The following CCDC183 variants were observed in gnomAD, a reference collection of about 807,000 sequenced individuals.
CCDC183 encodes coiled-coil domain containing 183, also known as coiled-coil domain-containing protein 183.
A neutral mutation model predicts 65.2 loss-of-function variants in CCDC183; 63 were observed. The ratio of observed to expected loss-of-function variants is 0.97; its 90% CI spans 0.79 to 1.19. The LOEUF (loss-of-function observed/expected upper bound fraction) is 1.19. Among genes scored for constraint, CCDC183 ranks in the 50% most tolerant of loss-of-function variants. CCDC183 has a pLI of 0.00. For synonymous variants in CCDC183, 323 were observed against 276.5 expected, an observed-to-expected ratio of 1.17 and a Z score of -1.67; for missense variants, 769 against 689.3, an observed-to-expected ratio of 1.12 and a Z score of -1.30.
At chr9:136,800,192 G>T in intron 4 of CCDC183, 23 bp downstream of exon 4, 3 of 1,478,640 alleles carry the variant, frequency 2.0e-6, no homozygotes, top group Non-Finnish European at 2.7e-6. Flanking sequence ...GGCTGGGAGG[G>T]CGGGGCGGAG....
Position 136,806,756 on chromosome 9 carries a change from G to T in CCDC183, c.1279-1G>T. On this transcript the variant is annotated splice_acceptor_variant, in intron 11 of 13. Transcript: ENST00000338005. LOFTEE classifies it high-confidence loss of function. ...GATGAGACCCTCCTCCCGGCCTACA[G>T]AGAGAAGTGGTGCTCTCCAACACCC... 1 of 1,613,554 alleles carries T rather than the reference G, an allele frequency of 6.2e-7. No homozygotes were observed. The highest frequency in any genetic ancestry group is 8.5e-7 in the Non-Finnish European group (1 of 1,180,032).
Position 136,807,558 on chromosome 9 carries a change from G to GT in CCDC183, c.1487-14_1487-13insT, listed in dbSNP as rs1462341624. 6.3e-7 allele frequency: 1 copy of GT among 1,589,038 alleles called. No individual in the cohort carries two copies. Among genetic ancestry groups the GT allele is most frequent in the East Asian group, 2.3e-5 (1 of 43,182 alleles). ...GGGCTAGCCCCGTGTGCGAGCCGCC[G>GT]CCTCCGCCCGCAGACACCTTCCAGT... On this transcript the variant is annotated splice_polypyrimidine_tract_variant and intron_variant, in intron 13 of 13. Coordinates refer to ENST00000338005, the MANE Select transcript of CCDC183 (RefSeq NM_001039374.5).
Position 136,802,728 on chromosome 9 carries a change from A to G in CCDC183, c.608A>G (p.Glu203Gly). ...AACCTCGTGGTCAACTACTGCTCAGAGCTGTCGGATATGAAGATCATGTCC... is the reference window on the plus strand; with the variant it reads ...AACCTCGTGGTCAACTACTGCTCAGGGCTGTCGGATATGAAGATCATGTCC... ...LQNLVVNYCS[E>G]LSDMKIMSQD... is the part of the protein sequence containing the mutation. The change falls in exon 6 of 14, where the codon GAG becomes GGG. Residue 203 changes from glutamate to glycine, a missense_variant. Glu to Gly is a moderately conservative substitution (Grantham distance 98, BLOSUM62 -2). Transcript: ENST00000338005. 6.2e-7 allele frequency: 1 copy of G among 1,613,532 alleles called. No homozygotes were observed. Among genetic ancestry groups the G allele is most frequent in the Non-Finnish European group, 8.5e-7 (1 of 1,179,892 alleles).
intron 1 of CCDC183, among the ~76,000 whole-genome samples, chr9:136,798,099 G>A (rs1383577047): frequency 8.5e-5 from 13 of 152,136 alleles, no homozygotes; most frequent in South Asian, 2.1e-4. Context: ...TCCACCTCCC[G>A]GGTTCAAGTG....
chr9:136,799,965 A>C, intron 3 of CCDC183, 37 bp from the exon 4 acceptor site: 2 of 1,561,096 alleles, frequency 1.3e-6, no homozygotes, highest in East Asian at 4.7e-5. Flanking sequence ...GCGGCCCCCT[A>C]CGCAACCACG....
rs1231328190 is a variant in CCDC183 at position 136,804,649 on chromosome 9, G to C, written c.792+22G>C. The C allele has an allele frequency of 1.2e-6, 2 of 1,613,268 alleles. No individual in the cohort carries two copies. The highest frequency in any genetic ancestry group is 2.7e-5 in the African/African-American group (2 of 74,898). On this transcript the variant is annotated intron_variant, in intron 7 of 13. Coordinates refer to ENST00000338005, the MANE Select transcript of CCDC183 (RefSeq NM_001039374.5). This position sits in a 1 kb window ranked among gnomAD's most constrained non-coding sequence, Gnocchi z 4.1. ...CCGGGTAAGCCCCAGGCCAGGGCCTGGCTGGCTGCCCATCCCCATGACAGC... is the reference window on the plus strand; with the variant it reads ...CCGGGTAAGCCCCAGGCCAGGGCCTCGCTGGCTGCCCATCCCCATGACAGC...
chr9:136,803,235 C>T lies in CCDC183; in HGVS notation c.666+449C>T, dbSNP rs1014209740. On this transcript the variant is annotated intron_variant, in intron 6 of 13. Coordinates refer to ENST00000338005, the MANE Select transcript of CCDC183 (RefSeq NM_001039374.5). ...GGGCTGGGGGCCCCCCAGGGCCAGC[C>T]CTCTTGGATCTTCGGATGGGGTCAA... Among the ~76,000 whole-genome samples the T allele has an allele frequency of 7.1e-4, 58 of 81,366 alleles. 3 individuals carry two copies. The highest frequency in any genetic ancestry group is 9.8e-4 in the African/African-American group (17 of 17,326). The allele number at this position is 81,366 out of a possible 152,430, so 53.4% of individuals were successfully genotyped here.
intron 6 of CCDC183, among the ~76,000 whole-genome samples, chr9:136,803,597 T>A (rs11145888): frequency 0.35 from 53,010 of 152,052 alleles, 10,118 homozygotes; most frequent in East Asian, 0.84. Flanking sequence ...ACTCATCCAG[T>A]AGTCCATGAA....
rs756382298 is a variant in CCDC183 at position 136,804,293 on chromosome 9, C to A, written c.667-209C>A. 6.5e-6 allele frequency: 4 copies of A among 618,852 alleles called. No individual in the cohort carries two copies. The highest frequency in any genetic ancestry group is 1.1e-5 in the Non-Finnish European group (4 of 369,414). The allele number at this position is 618,852 out of a possible 1,614,324, so 38.3% of individuals were successfully genotyped here. A position where few individuals can be genotyped will look rare whatever the true frequency, so the allele number is the denominator to read the frequency against. ...GCTGGAGGGCAGCAGAGCGTCTGGG[C>A]TGGCACATGCTCTGAGGCATGGGCA... On this transcript the variant is annotated intron_variant, in intron 6 of 13. Transcript: ENST00000338005. The surrounding 1 kb of genome is among the most constrained non-coding windows in gnomAD (Gnocchi z 4.1).
chr9:136,807,420 A>C, intron 13 of CCDC183, 152 bp from the exon 14 acceptor site: 1 of 1,006,112 alleles, frequency 9.9e-7, no homozygotes, highest in Non-Finnish European at 1.4e-6. Context: ...AGCCGCTGCG[A>C]ATGGGCTGGG....
At chr9:136,799,000 CCCTGGGG>C (rs75676154) in intron 1 of CCDC183, 95 bp from the exon 2 acceptor site, 348,394 of 1,532,724 alleles carry the variant, frequency 0.23, 40,214 homozygotes, top group African/African-American at 0.32. Context: ...TCCCCCTGGA[CCCTGGGG>C]CCTGGGGCCT....
At chr9:136,805,320 C>G in intron 8 of CCDC183, 37 bp from the exon 9 acceptor site, 1 of 1,554,128 alleles carries the variant, frequency 6.4e-7, no homozygotes, top group Non-Finnish European at 8.8e-7. Context: ...CTGAGCCATC[C>G]CTGCATGCTG....
chr9:136,799,268 G>A lies in CCDC183; in HGVS notation c.192+45G>A, dbSNP rs1349015379. On this transcript the variant is annotated intron_variant, in intron 2 of 13. Coordinates refer to ENST00000338005, the MANE Select transcript of CCDC183 (RefSeq NM_001039374.5). ...CCCCTCTGCCTGGCGAGCAGGGCAG[G>A]AGCTGAGTACACACACACTCGGAGG... is the stretch of plus-strand genomic sequence containing the variant. 6 of 1,561,522 alleles carry A rather than the reference G, an allele frequency of 3.8e-6. No individual in the cohort carries two copies. In the East Asian group the frequency reaches 1.3e-4, roughly 35 times the overall value.
Position 136,804,714 on chromosome 9 carries a change from T to C in CCDC183, c.793-48T>C. On this transcript the variant is annotated intron_variant, in intron 7 of 13. Coordinates refer to ENST00000338005, the MANE Select transcript of CCDC183 (RefSeq NM_001039374.5). The surrounding 1 kb of genome is among the most constrained non-coding windows in gnomAD (Gnocchi z 4.1). ...CTCAGGGCCACCACTCAGGGCCCAC[T>C]CCCTGCCAAGGATGTCTCATCCCTT... 6.2e-7 allele frequency: 1 copy of C among 1,612,738 alleles called. No individual in the cohort carries two copies. The highest frequency in any genetic ancestry group is 1.1e-5 in the South Asian group (1 of 90,998).
At chr9:136,798,339 T>C (rs1847684403) in intron 1 of CCDC183, among the ~76,000 whole-genome samples, 1 of 144,802 alleles carries the variant, frequency 6.9e-6, no homozygotes, top group South Asian at 2.2e-4. Flanking sequence ...TCTCATTCTG[T>C]CGTCCAGGTG....
At position 136,806,640 on chromosome 9, in the gene CCDC183, C is replaced by T. The variant is rs532197956; in HGVS notation, c.1246C>T (p.Arg416Trp). The T allele has an allele frequency of 1.9e-6, 3 of 1,613,680 alleles. No individual in the cohort carries two copies. The highest frequency in any genetic ancestry group is 1.3e-5 in the African/African-American group (1 of 75,068). The change falls in exon 11 of 14, where the codon CGG (arginine) becomes TGG (tryptophan). Residue 416 changes from arginine (R) to tryptophan (W), a missense_variant. Coordinates refer to ENST00000338005, the MANE Select transcript of CCDC183 (RefSeq NM_001039374.5). ...IQMGIDNLYV[R>W]LMGINLPATQ... ...GATGGGCATCGACAACCTCTATGTC[C>T]GGCTGATGGGCATTAACTTGCCTGC...
intron 13 of CCDC183, 93 bp from the exon 14 acceptor site, chr9:136,807,479 C>T (rs1847881874): frequency 2.1e-6 from 3 of 1,438,054 alleles, no homozygotes; most frequent in African/African-American, 1.4e-5. Context: ...AGGCACCTGG[C>T]CCGGGTCGGT....
Position 136,804,368 on chromosome 9 carries a change from G to A in CCDC183, c.667-134G>A. The A allele has an allele frequency of 2.4e-6, 3 of 1,236,734 alleles. No individual in the cohort carries two copies. The highest frequency in any genetic ancestry group is 3.3e-6 in the Non-Finnish European group (3 of 906,934). 76.6% of individuals were successfully genotyped at this position (1,236,734 alleles called of 1,614,324 possible). A position where few individuals can be genotyped will look rare whatever the true frequency, so the allele number is the denominator to read the frequency against. On this transcript the variant is annotated intron_variant, in intron 6 of 13. Coordinates refer to ENST00000338005, the MANE Select transcript of CCDC183 (RefSeq NM_001039374.5). This position sits in a 1 kb window ranked among gnomAD's most constrained non-coding sequence, Gnocchi z 4.1. Reference sequence around the variant, plus strand: ...ACGGGCACAAGTGGTTTAGGAAAAGGGTGTGGCCATTGGCCGGGGATGCAG... The same window carrying A: ...ACGGGCACAAGTGGTTTAGGAAAAGAGTGTGGCCATTGGCCGGGGATGCAG...
intron 1 of CCDC183, among the ~76,000 whole-genome samples, chr9:136,797,110 G>A (rs1419833041): frequency 6.6e-6 from 1 of 152,208 alleles, no homozygotes; most frequent in Non-Finnish European, 1.5e-5. Context: ...CCGCTCTGTG[G>A]CTAGAGGCAA....
Sources: gnomAD v4.1 joint callset for allele counts (sites outside exome capture counted in the v4.1 genomes callset) on GRCh38, gnomAD v4.1.1 for gene constraint, Gnocchi (gnomAD v3.1) non-coding constraint, MANE v1.5 for transcripts, NCBI Gene and HGNC (gene_info 2026-07-23, HGNC 2026-07-21) for gene names.